Variants in RASGRF1 observed in about 807,000 individuals in gnomAD.
RASGRF1 encodes ras-specific guanine nucleotide-releasing factor 1.
RASGRF1 carries 40 observed loss-of-function variants against 138.7 expected under a neutral mutation model. The observed-to-expected ratio is 0.29, with a 90% CI of 0.22 to 0.38. The LOEUF (loss-of-function observed/expected upper bound fraction) is 0.38. RASGRF1 is among the 10% of genes least tolerant of loss of function. RASGRF1 has a pLI of 1.00. For synonymous variants in RASGRF1, 614 were observed against 663.2 expected (o/e 0.93, Z 1.14); for missense variants, 1,108 against 1,650.4 (o/e 0.67, Z 5.69).
chr15:79,047,068 G>A (rs893996802), intron 4 of RASGRF1, 69 bp from the exon 5 acceptor site: 3 of 1,562,364 alleles, frequency 1.9e-6, no homozygotes, highest in African/African-American at 2.7e-5. Context: ...CTTCCAGGCT[G>A]TGAGCTCCCC....
chr15:79,028,533 T>C (rs1595917642), intron 8 of RASGRF1, among the ~76,000 whole-genome samples: 1 of 151,862 alleles, frequency 6.6e-6, no homozygotes, highest in Admixed American at 6.6e-5. Flanking sequence ...GTAATACCCC[T>C]CCTCTCCAAG....
chr15:79,090,049 G>A (rs1382104607), intron 1 of RASGRF1, among the ~76,000 whole-genome samples, 174 bp downstream of exon 1: 2 of 152,188 alleles, frequency 1.3e-5, no homozygotes, highest in Non-Finnish European at 2.9e-5. Context: ...TCTGCCCGCC[G>A]CAGTCACTCG....
Position 78,985,215 on chromosome 15 carries a change from A to T in RASGRF1, c.3217-11T>A. 1 of 1,576,178 alleles carries T rather than the reference A, an allele frequency of 6.3e-7. No individual in the cohort carries two copies. The highest frequency in any genetic ancestry group is 8.7e-7 in the Non-Finnish European group (1 of 1,146,038). ...AATCAAGTTACTGATCTTTAAGCCG[A>T]TGCAATAAGACAGGGAAAAAGAGGA... On this transcript the variant is annotated splice_polypyrimidine_tract_variant and intron_variant, in intron 22 of 26. Transcript: ENST00000558480.
chr15:78,998,803 A>G lies in RASGRF1; in HGVS notation c.2769T>C (p.Asn923=), dbSNP rs148049468. The G allele has an allele frequency of 2.5e-6, 4 of 1,614,026 alleles. No homozygotes were observed. In the East Asian group the frequency reaches 8.9e-5, roughly 36 times the overall value. ...TGCGGATCACAAACTCCTTGTCTCC[A>G]TTCCTCTGGTCTGGGGGAAACCCTG... ...ASAGFPPDQR[N]GDKEFVIRRA... is the part of the protein sequence containing the mutation. Residue 923 remains asparagine, a synonymous_variant, in exon 18 of 27, where the codon AAT becomes AAC. Transcript: ENST00000558480.
chr15:79,035,611 G>A (rs1262525204), intron 5 of RASGRF1, among the ~76,000 whole-genome samples: 2 of 152,224 alleles, frequency 1.3e-5, no homozygotes, highest in African/African-American at 4.8e-5. Context: ...CAGGGCTCTG[G>A]CAAACACGAG....
At chr15:79,017,073 C>T (rs1421902862) in intron 12 of RASGRF1, among the ~76,000 whole-genome samples, 2 of 152,236 alleles carry the variant, frequency 1.3e-5, no homozygotes, top group East Asian at 3.8e-4. Flanking sequence ...GGGGCCTAAA[C>T]CCCGGTGCTG....
intron 4 of RASGRF1, 111 bp downstream of exon 4, chr15:79,049,385 T>G (rs1057478653): frequency 1.0e-6 from 1 of 970,208 alleles, no homozygotes; most frequent in Non-Finnish European, 1.6e-6. Flanking sequence ...GGTTGGGGGA[T>G]GGGGGGCACG....
intron 12 of RASGRF1, among the ~76,000 whole-genome samples, chr15:79,017,310 G>A (rs1043881176): frequency 1.3e-5 from 2 of 152,204 alleles, no homozygotes; most frequent in Non-Finnish European, 2.9e-5. Context: ...CACTGAAGAA[G>A]CTACCCTTGG....
chr15:78,985,224 G>A lies in RASGRF1; in HGVS notation c.3217-20C>T, dbSNP rs1272038634. On this transcript the variant is annotated intron_variant, in intron 22 of 26. Transcript: ENST00000558480. Reference sequence around the variant, plus strand: ...ACTGATCTTTAAGCCGATGCAATAAGACAGGGAAAAAGAGGAGTAAGTATT... The same window carrying A: ...ACTGATCTTTAAGCCGATGCAATAAAACAGGGAAAAAGAGGAGTAAGTATT... 8.4e-6 allele frequency: 13 copies of A among 1,553,724 alleles called. No homozygotes were observed. The Admixed American group carries it at 1.0e-4, about 12-fold the overall frequency.
intron 1 of RASGRF1, among the ~76,000 whole-genome samples, chr15:79,072,621 C>T (rs2057777498): frequency 6.6e-6 from 1 of 152,154 alleles, no homozygotes; most frequent in Non-Finnish European, 1.5e-5. Context: ...AACAATGACC[C>T]TGCATAGCAC....
intron 1 of RASGRF1, among the ~76,000 whole-genome samples, chr15:79,089,815 G>A (rs1301517540): frequency 6.6e-6 from 1 of 152,250 alleles, no homozygotes; most frequent in Non-Finnish European, 1.5e-5. Context: ...CGTTCCCGGT[G>A]TAGAACAGAC....
rs572307216 is a variant in RASGRF1, at chr15:78,984,511, C to A, written c.3414+496G>T. 17 of 212,744 alleles carry A rather than the reference C, an allele frequency of 8.0e-5. No individual in the cohort carries two copies. The East Asian group carries it at 1.5e-3, about 19-fold the overall frequency. The allele number at this position is 212,744 out of a possible 1,614,324, so 13.2% of individuals were successfully genotyped here. On this transcript the variant is annotated intron_variant, in intron 23 of 26. Coordinates refer to ENST00000558480, the MANE Select transcript of RASGRF1 (RefSeq NM_001145648.3). The stretch of plus-strand genomic sequence containing the variant: ...TTGAGCACACATTTAAGGTGATCAA[C>A]TAGCCAACACGTTCCAGGAAGCAGC...
Position 78,992,426 on chromosome 15 carries a change from C to T in RASGRF1, c.3028-632G>A, listed in dbSNP as rs555946909. On this transcript the variant is annotated intron_variant, in intron 20 of 26. Transcript: ENST00000558480. Reference sequence around the variant, plus strand: ...CGACCAGAGAAAATCTTCAGGGAAACGTTAGCCAGAGGACAGTGGTGGCCA... The same window carrying T: ...CGACCAGAGAAAATCTTCAGGGAAATGTTAGCCAGAGGACAGTGGTGGCCA... Among the ~76,000 whole-genome samples, 137 of 152,332 alleles carry T rather than the reference C, an allele frequency of 9.0e-4. 1 individual carries two copies. Among genetic ancestry groups the T allele is most frequent in the African/African-American group, 3.1e-3 (127 of 41,576 alleles).
rs1244167279 is a variant in RASGRF1, at chr15:79,050,281, G to A, written c.532-693C>T. On this transcript the variant is annotated intron_variant, in intron 3 of 26. Coordinates refer to ENST00000558480, the MANE Select transcript of RASGRF1 (RefSeq NM_001145648.3). This position sits in a 1 kb window ranked among gnomAD's most constrained non-coding sequence, Gnocchi z 4.1. ...CTTTCTGTGACCGGCTTATTTCATG[G>A]TGCATAATGTCCTCAAGTTTCTTCC... 6.6e-6 allele frequency among the ~76,000 whole-genome samples: 1 copy of A among 152,140 alleles called. No homozygotes were observed. Among genetic ancestry groups the A allele is most frequent in the Non-Finnish European group, 1.5e-5 (1 of 68,034 alleles).
intron 13 of RASGRF1, among the ~76,000 whole-genome samples, chr15:79,014,188 G>A (rs1470083464): frequency 6.6e-6 from 1 of 152,212 alleles, no homozygotes. Flanking sequence ...TCAGTGTGGA[G>A]ATTCCTTAAA....
chr15:78,967,796 G>A (rs560811673), intron 26 of RASGRF1, among the ~76,000 whole-genome samples: 1 of 152,126 alleles, frequency 6.6e-6, no homozygotes, highest in Non-Finnish European at 1.5e-5. Flanking sequence ...TTTTCTGAGG[G>A]CTGAACCATT....
intron 24 of RASGRF1, among the ~76,000 whole-genome samples, chr15:78,977,322 A>G (rs1213833798): frequency 6.6e-6 from 1 of 151,964 alleles, no homozygotes; most frequent in Non-Finnish European, 1.5e-5. Flanking sequence ...GCATTCAGGG[A>G]GGGCATGAGG....
chr15:79,034,138 C>T (rs757246430), intron 6 of RASGRF1, among the ~76,000 whole-genome samples: 7 of 152,194 alleles, frequency 4.6e-5, no homozygotes, highest in Non-Finnish European at 1.0e-4. Flanking sequence ...TGCCTGAGGG[C>T]AAGGGAGCTC....
chr15:78,985,048 T>G lies in RASGRF1; in HGVS notation c.3373A>C (p.Ile1125Leu). 1 of 1,614,134 alleles carries G rather than the reference T, an allele frequency of 6.2e-7. No homozygotes were observed. The highest frequency in any genetic ancestry group is 8.5e-7 in the Non-Finnish European group (1 of 1,180,024). ...EITSSMNRSA[I>L]FRLKKTWLKV... Reference sequence around the variant, plus strand: ...AGCCACGTCTTTTTGAGCCGGAAGATTGCACTGCGGTTCATGGACGAGGTG... The same window carrying G: ...AGCCACGTCTTTTTGAGCCGGAAGAGTGCACTGCGGTTCATGGACGAGGTG... Residue 1125 changes from isoleucine to leucine, a missense_variant, in exon 23 of 27, where the codon ATC (isoleucine) becomes CTC (leucine). Coordinates refer to ENST00000558480, the MANE Select transcript of RASGRF1 (RefSeq NM_001145648.3).
Sources: gnomAD v4.1 joint callset for allele counts (sites outside exome capture counted in the v4.1 genomes callset) on GRCh38, gnomAD v4.1.1 for gene constraint, Gnocchi (gnomAD v3.1) non-coding constraint, MANE v1.5 for transcripts, NCBI Gene and HGNC (gene_info 2026-07-23, HGNC 2026-07-21) for gene names.